Variants in HELQ observed in about 807,000 individuals in gnomAD.
The protein encoded by HELQ is helicase POLQ-like.
In HELQ, 77 loss-of-function variants were observed where a neutral mutation model predicts 111.6. The ratio of observed to expected loss-of-function variants is 0.69; its 90% CI spans 0.57 to 0.83. The LOEUF (loss-of-function observed/expected upper bound fraction) is 0.83, where lower values mean the gene tolerates loss of function less well. HELQ is among the 40% of genes least tolerant of loss of function. The pLI is 0.00. For missense variants in HELQ, 1,200 were observed against 1,288.5 expected, an observed-to-expected ratio of 0.93 and a Z score of 1.05; for synonymous variants, 438 against 454.7, an observed-to-expected ratio of 0.96 and a Z score of 0.47.
At position 83,453,661 on chromosome 4, in the gene HELQ, A is replaced by C; in HGVS notation, c.582T>G (p.Asp194Glu). The change falls in exon 2 of 18, where the codon GAT (aspartate) becomes GAG (glutamate). Residue 194 changes from aspartate (D) to glutamate (E), a missense_variant. By Grantham distance (45) the Asp-to-Glu change is conservative. This residue lies in a region of HELQ where 610 missense variants were observed against 607.1 expected (regional missense o/e 1.00). Coordinates refer to ENST00000295488, the MANE Select transcript of HELQ (RefSeq NM_133636.5). ...TIEPGADLLY[D>E]VPSSQAIYFE... ...AGTATATAGCCTGTGAGGAAGGTAC[A>C]TCATACAAAAGATCAGCTCCAGGTT... 3.1e-6 allele frequency: 5 copies of C among 1,614,192 alleles called. No homozygotes were observed. Among genetic ancestry groups the C allele is most frequent in the Non-Finnish European group, 4.2e-6 (5 of 1,180,010 alleles).
At position 83,418,151 on chromosome 4, in the gene HELQ, A is replaced by C; in HGVS notation, c.3005T>G (p.Leu1002Arg). The change falls in exon 16 of 18, where the codon CTG (leucine) becomes CGG (arginine). Residue 1002 changes from leucine to arginine, a missense_variant. This residue lies in a region of HELQ where 585 missense variants were observed against 665.3 expected (regional missense o/e 0.88). Transcript: ENST00000295488. ...RALLVELTKKLTYCVKAELIP... is the reference protein window; with the variant it reads ...RALLVELTKKRTYCVKAELIP... ...TAATTCTGCCTTTACACAGTAAGTC[A>C]GCTTCTTGGTAAGTTCTACCAAAAG... The C allele has an allele frequency of 6.2e-7, 1 of 1,610,512 alleles. No individual in the cohort carries two copies. Among genetic ancestry groups the C allele is most frequent in the Non-Finnish European group, 8.5e-7 (1 of 1,178,094 alleles).
chr4:83,454,864 G>A (rs1721657898), intron 1 of HELQ, among the ~76,000 whole-genome samples: 1 of 152,110 alleles, frequency 6.6e-6, no homozygotes, highest in Admixed American at 6.6e-5. Context: ...GCCTCTAACA[G>A]AAACATGGTT....
chr4:83,428,336 T>C (rs1334972129), intron 12 of HELQ, among the ~76,000 whole-genome samples: 23 of 150,916 alleles, frequency 1.5e-4, no homozygotes, highest in Admixed American at 1.2e-3. Flanking sequence ...ACAACAGACA[T>C]GTATTATTTT....
chr4:83,422,341 T>C (rs1391892360), intron 14 of HELQ, among the ~76,000 whole-genome samples: 3 of 152,162 alleles, frequency 2.0e-5, no homozygotes, highest in Non-Finnish European at 4.4e-5. Context: ...CAAAAAGAAA[T>C]GTACAAATCC....
At chr4:83,446,466 C>T (rs1721053650) in intron 4 of HELQ, among the ~76,000 whole-genome samples, 2 of 152,200 alleles carry the variant, frequency 1.3e-5, no homozygotes, top group South Asian at 2.1e-4. Flanking sequence ...ACCACCACGC[C>T]CGGCTAATTT....
Position 83,428,953 on chromosome 4 carries a change from A to G in HELQ, c.2518+571T>C, listed in dbSNP as rs557959284. ...ACACCAAATTGTTATTCTTGGTAGAATATTAAGATTTGTATGGTTGCTAGG... is the reference window on the plus strand; with the variant it reads ...ACACCAAATTGTTATTCTTGGTAGAGTATTAAGATTTGTATGGTTGCTAGG... On this transcript the variant is annotated intron_variant, in intron 12 of 17. Coordinates refer to ENST00000295488, the MANE Select transcript of HELQ (RefSeq NM_133636.5). Among the ~76,000 whole-genome samples the G allele has an allele frequency of 8.5e-5, 13 of 152,228 alleles. 3 individuals carry two copies. The South Asian group carries it at 2.5e-3, about 29-fold the overall frequency.
rs564945851 is a variant in HELQ, at chr4:83,432,901, CA to C, written c.2049-635del. On this transcript the variant is annotated intron_variant, in intron 9 of 17. Coordinates refer to ENST00000295488, the MANE Select transcript of HELQ (RefSeq NM_133636.5). ...GTCTCTACAAAAACAACAACAACAA[CA>C]ACAAAAAACTGGCTGGGCATGGTAG... Among the ~76,000 whole-genome samples, 415 of 151,822 alleles carry C rather than the reference CA, an allele frequency of 2.7e-3. 1 individual carries two copies. The highest frequency in any genetic ancestry group is 9.6e-3 in the African/African-American group (399 of 41,408).
At chr4:83,428,298 T>C (rs181117177) in intron 12 of HELQ, among the ~76,000 whole-genome samples, 65 of 152,078 alleles carry the variant, frequency 4.3e-4, no homozygotes, top group Admixed American at 2.2e-3. Context: ...CTTAACATAA[T>C]TCTGAGTTCT....
At chr4:83,412,908 A>G (rs1739176810) in intron 17 of HELQ, among the ~76,000 whole-genome samples, 1 of 152,238 alleles carries the variant, frequency 6.6e-6, no homozygotes, top group Admixed American at 6.5e-5. Context: ...GGCCAGAAGA[A>G]TCTGAACAGA....
chr4:83,423,357 C>T (rs1037991310), intron 14 of HELQ, among the ~76,000 whole-genome samples: 6 of 152,010 alleles, frequency 3.9e-5, no homozygotes, highest in African/African-American at 1.4e-4. Context: ...TGAGAACTTA[C>T]GGTGACAAAT....
intron 14 of HELQ, 151 bp from the exon 15 acceptor site, chr4:83,421,887 T>C (rs1273494516): frequency 1.1e-5 from 7 of 633,128 alleles, no homozygotes; most frequent in East Asian, 8.3e-5. Flanking sequence ...ACAGATGTAC[T>C]TCAGATTAAT....
chr4:83,424,658 C>T (rs1362198859), intron 14 of HELQ, among the ~76,000 whole-genome samples: 2 of 152,206 alleles, frequency 1.3e-5, no homozygotes, highest in African/African-American at 2.4e-5. Context: ...TCCCAGATCA[C>T]GTGAGTCTCC....
At chr4:83,450,692 A>T (rs1578105489) in intron 2 of HELQ, among the ~76,000 whole-genome samples, 1 of 151,796 alleles carries the variant, frequency 6.6e-6, no homozygotes, top group East Asian at 1.9e-4. Flanking sequence ...CTAGCCGGGT[A>T]CAATGGCTCA....
At chr4:83,422,042 A>G (rs1488929700) in intron 14 of HELQ, among the ~76,000 whole-genome samples, 3 of 151,878 alleles carry the variant, frequency 2.0e-5, no homozygotes, top group African/African-American at 7.3e-5. Flanking sequence ...ACAACGTGGC[A>G]AAACTCCGTC....
intron 17 of HELQ, among the ~76,000 whole-genome samples, chr4:83,410,135 C>T (rs1277416115): frequency 6.6e-6 from 1 of 151,996 alleles, no homozygotes; most frequent in Non-Finnish European, 1.5e-5. Flanking sequence ...ACCTATAGTC[C>T]CAGCCACTCA....
chr4:83,444,121 A>C (rs1312555143), intron 5 of HELQ, among the ~76,000 whole-genome samples: 3 of 152,206 alleles, frequency 2.0e-5, no homozygotes, highest in Non-Finnish European at 4.4e-5. Context: ...GGTATCCTGA[A>C]AGTTACTACT....
chr4:83,408,765 T>C (rs1738931242), intron 17 of HELQ, among the ~76,000 whole-genome samples: 1 of 150,266 alleles, frequency 6.7e-6, no homozygotes, highest in South Asian at 2.1e-4. Context: ...CCAGATGGGG[T>C]TGAGAAAAAA....
intron 2 of HELQ, among the ~76,000 whole-genome samples, chr4:83,452,947 A>C (rs1721475764): frequency 6.6e-6 from 1 of 151,736 alleles, no homozygotes; most frequent in Non-Finnish European, 1.5e-5. Context: ...CTGACTTGCT[A>C]ACAACTTATT....
intron 17 of HELQ, among the ~76,000 whole-genome samples, chr4:83,415,655 C>T (rs1739317240): frequency 1.3e-5 from 2 of 149,782 alleles, no homozygotes; most frequent in South Asian, 4.2e-4. Flanking sequence ...TTTTTTAAGA[C>T]AGACTCTCAC....
Sources: gnomAD v4.1 joint callset for allele counts (sites outside exome capture counted in the v4.1 genomes callset) on GRCh38, gnomAD v4.1.1 for gene constraint, gnomAD v4.1.1 regional missense constraint, MANE v1.5 for transcripts, NCBI Gene and HGNC (gene_info 2026-07-23, HGNC 2026-07-21) for gene names.